Variants in GAREM2 observed in about 807,000 individuals in gnomAD.
GAREM2 encodes the protein GRB2-associated and regulator of MAPK protein 2.
In GAREM2, 30 loss-of-function variants were observed where a neutral mutation model predicts 55.6. That is an observed-to-expected ratio of 0.54 (90% CI 0.40 to 0.73). The LOEUF is 0.73. Among genes scored for constraint, GAREM2 ranks in the 30% least tolerant of loss-of-function variants. GAREM2 has a pLI of 0.00. For missense variants in GAREM2, 1,075 were observed against 1,257.7 expected (o/e 0.85, Z 2.20); for synonymous variants, 550 against 569.1 (o/e 0.97, Z 0.48).
rs762779967 is a variant in GAREM2, at chr2:26,187,465, CCCT to C, written c.1838_1840del (p.Pro613del). 2 of 1,548,306 alleles carry C rather than the reference CCCT, an allele frequency of 1.3e-6. No individual in the cohort carries two copies. The highest frequency in any genetic ancestry group is 1.7e-6 in the Non-Finnish European group (2 of 1,145,486). ...CCCCTGTTAAGACCTACCACAGCTG[CCCT>C]CCTCTATTCAAGCCCTCACATCCCC... On this transcript the variant is annotated inframe_deletion, in exon 6 of 6. Transcript: ENST00000401533.
At chr2:26,185,912 T>C (rs1669237043) in intron 4 of GAREM2, among the ~76,000 whole-genome samples, 1 of 152,154 alleles carries the variant, frequency 6.6e-6, no homozygotes, top group Non-Finnish European at 1.5e-5. Flanking sequence ...TGTTTTGATC[T>C]ACCTTTGTGT....
At chr2:26,196,673 G>A in the GAREM2 span, among the ~76,000 whole-genome samples, 1 of 152,106 alleles carries the variant, frequency 6.6e-6, no homozygotes, top group Non-Finnish European at 1.5e-5. Flanking sequence ...AATGACAAAA[G>A]GCAAGCAGGT....
intron 2 of GAREM2, among the ~76,000 whole-genome samples, chr2:26,180,114 G>T (rs62128433): frequency 0.032 from 4,822 of 152,240 alleles, 122 homozygotes; most frequent in Non-Finnish European, 0.054. Flanking sequence ...GTCCCAGGGC[G>T]GGGAGGGCAG....
downstream of GAREM2, chr2:26,193,685 C>T (rs138584909): frequency 8.1e-6 from 13 of 1,613,998 alleles, no homozygotes; most frequent in African/African-American, 5.3e-5. Context: ...GCTACATCCA[C>T]ACCAACTTCA....
At chr2:26,197,722 T>C in the GAREM2 span, 1 of 1,549,796 alleles carries the variant, frequency 6.5e-7, no homozygotes, top group Non-Finnish European at 8.9e-7. Context: ...AGCAGCGATT[T>C]CACTGATTGG....
At chr2:26,194,425 CAGAG>C (rs1395746424), downstream of GAREM2, 1 of 713,366 alleles carries the variant, frequency 1.4e-6, no homozygotes, top group Admixed American at 2.0e-5. Context: ...GACTGCTGTG[CAGAG>C]AGAGGGCACC....
chr2:26,194,618 A>G, downstream of GAREM2: 2 of 1,610,374 alleles, frequency 1.2e-6, no homozygotes, highest in Non-Finnish European at 1.7e-6. Flanking sequence ...GACACCTGGT[A>G]GTATAGAAGC....
chr2:26,178,124 C>T (rs1384409598), intron 2 of GAREM2, among the ~76,000 whole-genome samples: 3 of 152,170 alleles, frequency 2.0e-5, no homozygotes, highest in Admixed American at 2.0e-4. Flanking sequence ...GTGTACTCCA[C>T]CCCCCAAACC....
Position 26,184,758 on chromosome 2 carries a change from GCGCTGCGCCGCGAGGGCCCGGCGC to G in GAREM2, c.917_940del (p.Arg306_Leu313del). ...CTCCAAGACGGTGGTGCTGGGGCTG[GCGCTGCGCCGCGAGGGCCCGGCGC>G]CGCTGCACTTCCTGCTGCTCACGGA... On this transcript the variant is annotated inframe_deletion, in exon 4 of 6. Coordinates refer to ENST00000401533, the MANE Select transcript of GAREM2 (RefSeq NM_001168241.2). 6.7e-7 allele frequency: 1 copy of G among 1,497,660 alleles called. No individual in the cohort carries two copies. The highest frequency in any genetic ancestry group is 8.9e-7 in the Non-Finnish European group (1 of 1,129,146). 92.8% of individuals were successfully genotyped at this position (1,497,660 alleles called of 1,614,324 possible).
Position 26,184,235 on chromosome 2 carries a change from G to A in GAREM2, c.387G>A (p.Val129=), listed in dbSNP as rs1669143799. 6.5e-7 allele frequency: 1 copy of A among 1,549,804 alleles called. No individual in the cohort carries two copies. Among genetic ancestry groups the A allele is most frequent in the Non-Finnish European group, 8.7e-7 (1 of 1,145,958 alleles). Residue 129 remains valine, a splice_region_variant and synonymous_variant, in exon 4 of 6, where the codon GTG becomes GTA. Transcript: ENST00000401533. ...VMEAITFSVK[V]VSGEFSEDSE... is the part of the protein sequence containing the mutation. The stretch of plus-strand genomic sequence containing the variant: ...TGCCCTGTCTCTGGGATCCCCAGGT[G>A]GTGTCGGGCGAGTTCAGCGAGGACA...
Position 26,187,399 on chromosome 2 carries a change from G to T in GAREM2, c.1767G>T (p.Glu589Asp), listed in dbSNP as rs1195456853. 3.6e-5 allele frequency: 55 copies of T among 1,547,062 alleles called. No homozygotes were observed. Among genetic ancestry groups the T allele is most frequent in the Middle Eastern group, 1.7e-4 (1 of 5,986 alleles). The stretch of plus-strand genomic sequence containing the variant: ...GCCAGGCCTCCCGGGCCCTCACAGA[G>T]CCTCTGAGCGGTCGAGCCGCCTCCC... ...QPSQASRALT[E>D]PLSGRAASLL... The change falls in exon 6 of 6, where the codon GAG becomes GAT. Residue 589 changes from glutamate (E) to aspartate (D), a missense_variant. This residue lies in a region of GAREM2 where 515 missense variants were observed against 501.5 expected (regional missense o/e 1.03). Transcript: ENST00000401533.
At chr2:26,192,029 G>A (rs549403060), downstream of GAREM2, among the ~76,000 whole-genome samples, 2 of 152,280 alleles carry the variant, frequency 1.3e-5, no homozygotes, top group Non-Finnish European at 2.9e-5. Context: ...ACGTGGCCTG[G>A]TTCTCACCTA....
Position 26,182,995 on chromosome 2 carries a change from G to A in GAREM2, c.282G>A (p.Arg94=). ...AGTTCAAGCTCCTGGAACAGGCCCGGGATGTGCGGGAGCCAGTGAGGTACT... is the reference window on the plus strand; with the variant it reads ...AGTTCAAGCTCCTGGAACAGGCCCGAGATGTGCGGGAGCCAGTGAGGTACT... ...PGKFKLLEQA[R]DVREPVRYFS... Residue 94 remains arginine, a synonymous_variant, in exon 3 of 6, where the codon CGG becomes CGA. Coordinates refer to ENST00000401533, the MANE Select transcript of GAREM2 (RefSeq NM_001168241.2). The A allele has an allele frequency of 1.3e-5, 20 of 1,551,730 alleles. No individual in the cohort carries two copies. The highest frequency in any genetic ancestry group is 1.6e-5 in the Non-Finnish European group (18 of 1,146,990).
downstream of GAREM2, chr2:26,192,349 C>T (rs1558313963): frequency 4.4e-6 from 7 of 1,608,738 alleles, no homozygotes; most frequent in South Asian, 1.1e-5. Context: ...CGCTAAAATA[C>T]TATCCATGTC....
At position 26,188,319 on chromosome 2, in the gene GAREM2, G is replaced by A. The variant is rs1373677078; in HGVS notation, c.*62G>A. Reference sequence around the variant, plus strand: ...ATGGGGGCCCCAGGTACAGCACTCCGGAGGAGCAGGTGCTGCCTGCAAGAA... The same window carrying A: ...ATGGGGGCCCCAGGTACAGCACTCCAGAGGAGCAGGTGCTGCCTGCAAGAA... On this transcript the variant is annotated 3_prime_UTR_variant, in exon 6 of 6. Transcript: ENST00000401533. 1.4e-5 allele frequency: 18 copies of A among 1,264,066 alleles called. No homozygotes were observed. In the East Asian group the frequency reaches 3.1e-4, roughly 22 times the overall value. 78.3% of individuals were successfully genotyped at this position (1,264,066 alleles called of 1,614,324 possible). A position where few individuals can be genotyped will look rare whatever the true frequency, so the allele number is the denominator to read the frequency against.
In GAREM2 at chr2:26,184,907, C is replaced by A; in HGVS notation, c.1059C>A (p.Asp353Glu). 6.9e-7 allele frequency: 1 copy of A among 1,449,062 alleles called. No homozygotes were observed. The highest frequency in any genetic ancestry group is 9.0e-7 in the Non-Finnish European group (1 of 1,110,402). 89.8% of individuals were successfully genotyped at this position (1,449,062 alleles called of 1,614,324 possible). Residue 353 changes from aspartate (D) to glutamate (E), a missense_variant, in exon 4 of 6, where the codon GAC becomes GAA. Physicochemically the swap from Asp to Glu is conservative, Grantham distance 45 (BLOSUM62 2). Around this residue, in one of 6 missense-constraint regions of GAREM2, gnomAD observed 170 missense variants for 220.7 expected, o/e 0.77. Transcript: ENST00000401533. ...DSASYCRERF[D>E]PDEYSTAVRE... ...CCTCCTACTGCCGCGAGCGCTTCGACCCCGACGAGTACTCCACGGCCGTGC... is the reference window on the plus strand; with the variant it reads ...CCTCCTACTGCCGCGAGCGCTTCGAACCCGACGAGTACTCCACGGCCGTGC...
intron 2 of GAREM2, chr2:26,182,560 A>C (rs1669086835): frequency 1.4e-6 from 2 of 1,454,428 alleles, no homozygotes; most frequent in African/African-American, 1.4e-5. Context: ...GAGGGAAAGG[A>C]ACTTGTCACG....
downstream of GAREM2, chr2:26,191,126 A>G: frequency 1.0e-6 from 1 of 954,936 alleles, no homozygotes; most frequent in East Asian, 2.5e-5. Context: ...TTAATCAGGG[A>G]GCAAACCCAG....
At position 26,188,296 on chromosome 2, in the gene GAREM2, G is replaced by A. The variant is rs758933739; in HGVS notation, c.*39G>A. 8 of 1,412,110 alleles carry A rather than the reference G, an allele frequency of 5.7e-6. No homozygotes were observed. The highest frequency in any genetic ancestry group is 5.6e-6 in the Non-Finnish European group (6 of 1,073,694). The allele number at this position is 1,412,110 out of a possible 1,614,324, so 87.5% of individuals were successfully genotyped here. On this transcript the variant is annotated 3_prime_UTR_variant, in exon 6 of 6. Coordinates refer to ENST00000401533, the MANE Select transcript of GAREM2 (RefSeq NM_001168241.2). Reference sequence around the variant, plus strand: ...AGCTGCACAGCTGGAATGCTGGTATGGGGGCCCCAGGTACAGCACTCCGGA... The same window carrying A: ...AGCTGCACAGCTGGAATGCTGGTATAGGGGCCCCAGGTACAGCACTCCGGA...
Sources: allele counts gnomAD v4.1 joint callset (sites outside exome capture counted in the v4.1 genomes callset), GRCh38; gene constraint gnomAD v4.1.1; regional missense constraint gnomAD v4.1.1; transcripts MANE v1.5; gene names NCBI Gene and HGNC (gene_info 2026-07-23, HGNC 2026-07-21).